The following MAPK10 variants were observed in gnomAD, a reference collection of about 807,000 sequenced individuals.
MAPK10 encodes the protein JNK3 alpha protein kinase.
A neutral mutation model predicts 59.3 loss-of-function variants in MAPK10; 25 were observed. The ratio of observed to expected loss-of-function variants is 0.42; its 90% CI spans 0.31 to 0.59. MAPK10 has a LOEUF of 0.59. Among genes scored for constraint, MAPK10 ranks in the 20% least tolerant of loss-of-function variants. MAPK10 has a pLI of 0.15. For synonymous variants in MAPK10, 190 were observed against 200.5 expected (o/e 0.95, Z 0.44); for missense variants, 351 against 568.9 (o/e 0.62, Z 3.90).
intron 9 of MAPK10, among the ~76,000 whole-genome samples, chr4:86,076,832 CATTTTTTGTAGAAGAA>C (rs1312976236): frequency 1.3e-5 from 2 of 152,014 alleles, no homozygotes; most frequent in East Asian, 3.9e-4. Flanking sequence ...TGACCAAAAC[CATTTTTTGTAGAAGAA>C]TTTATTTGCT....
intron 2 of MAPK10, among the ~76,000 whole-genome samples, chr4:86,264,124 C>T (rs2094129981): frequency 6.6e-6 from 1 of 152,046 alleles, no homozygotes; most frequent in Non-Finnish European, 1.5e-5. Context: ...TTATTTCTTG[C>T]TTGTATTAAA....
intron 9 of MAPK10, among the ~76,000 whole-genome samples, chr4:86,090,035 TCTC>T (rs2149047707): frequency 6.6e-6 from 1 of 152,210 alleles, no homozygotes; most frequent in East Asian, 1.9e-4. Flanking sequence ...TATAATGGTC[TCTC>T]TGTTATTGCC....
In MAPK10 at chr4:86,209,029, G is replaced by A. The variant is rs115026166; in HGVS notation, c.-6-14622C>T. ...AGAACAAACTGACAATAGTTGGTAAGGTTGAAGGTATGTGAACTAAACAAA... is the reference window on the plus strand; with the variant it reads ...AGAACAAACTGACAATAGTTGGTAAAGTTGAAGGTATGTGAACTAAACAAA... On this transcript the variant is annotated intron_variant, in intron 2 of 13. Coordinates refer to ENST00000641462, the MANE Select transcript of MAPK10 (RefSeq NM_138982.4). 8.4e-3 allele frequency among the ~76,000 whole-genome samples: 1,280 copies of A among 152,136 alleles called. 20 individuals are homozygous for A. The highest frequency in any genetic ancestry group is 0.029 in the African/African-American group (1,219 of 41,518).
intron 9 of MAPK10, among the ~76,000 whole-genome samples, chr4:86,086,770 C>T (rs747742403): frequency 2.6e-5 from 4 of 151,980 alleles, no homozygotes; most frequent in Non-Finnish European, 5.9e-5. Context: ...TTTTCAGTAA[C>T]TCATTTCTAA....
intron 1 of MAPK10, among the ~76,000 whole-genome samples, chr4:86,471,556 TTAAAG>T (rs1217099909): frequency 5.3e-5 from 8 of 152,140 alleles, no homozygotes; most frequent in Non-Finnish European, 1.2e-4. Context: ...ATTTTACAGT[TTAAAG>T]TAATTATATA....
At chr4:86,573,597 T>G (rs1220900923) in intron 1 of MAPK10, among the ~76,000 whole-genome samples, 2 of 152,224 alleles carry the variant, frequency 1.3e-5, no homozygotes, top group East Asian at 1.9e-4. Flanking sequence ...CAAACAAAGT[T>G]TAGAATATGC....
intron 6 of MAPK10, chr4:86,102,266 G>T: frequency 5.0e-6 from 2 of 401,118 alleles, no homozygotes; most frequent in Non-Finnish European, 8.9e-6. Context: ...CCACAGATTT[G>T]TTACCTTAAT....
At position 86,354,598 on chromosome 4, in the gene MAPK10, T is replaced by C. The variant is rs753378890; in HGVS notation, c.-75A>G. On this transcript the variant is annotated 5_prime_UTR_variant, in exon 2 of 14. An upstream start codon of the reference 5' UTR is lost. Transcript: ENST00000641462. ...CAACAGTTTCTTGCATAAGTTGCCA[T>C]AGTGAAGATCTGAGATGGGCCTGCT... 8.0e-5 allele frequency: 98 copies of C among 1,231,314 alleles called. No homozygotes were observed. The highest frequency in any genetic ancestry group is 9.5e-5 in the Non-Finnish European group (94 of 987,404). The allele number at this position is 1,231,314 out of a possible 1,614,324, so 76.3% of individuals were successfully genotyped here. A position where few individuals can be genotyped will look rare whatever the true frequency, so the allele number is the denominator to read the frequency against.
intron 4 of MAPK10, among the ~76,000 whole-genome samples, chr4:86,147,617 C>T (rs1040098842): frequency 6.6e-6 from 1 of 152,044 alleles, no homozygotes; most frequent in Non-Finnish European, 1.5e-5. Context: ...TACATTGACA[C>T]CAAAATATGA....
chr4:86,198,907 A>G (rs1260273127), intron 2 of MAPK10, among the ~76,000 whole-genome samples: 2 of 152,014 alleles, frequency 1.3e-5, no homozygotes, highest in African/African-American at 4.8e-5. Context: ...AATAAAACCC[A>G]AAAAATTGAA....
chr4:86,508,148 T>G (rs773427387), intron 1 of MAPK10, among the ~76,000 whole-genome samples: 1 of 152,098 alleles, frequency 6.6e-6, no homozygotes, highest in Non-Finnish European at 1.5e-5. Context: ...CGCAAAAAAA[T>G]ATCATTTTCT....
intron 1 of MAPK10, among the ~76,000 whole-genome samples, chr4:86,390,277 A>G (rs1194012787): frequency 1.3e-5 from 2 of 152,242 alleles, no homozygotes; most frequent in Non-Finnish European, 2.9e-5. Context: ...ATAAAAAGAT[A>G]TTATTTAAAA....
At chr4:86,568,470 C>G (rs188790249) in intron 1 of MAPK10, among the ~76,000 whole-genome samples, 72 of 152,058 alleles carry the variant, frequency 4.7e-4, no homozygotes, top group African/African-American at 1.6e-3. Flanking sequence ...ATAAAAACGG[C>G]CCAAGTAGCC....
At position 86,409,098 on chromosome 4, in the gene MAPK10, C is replaced by A. The variant is rs1020293290; in HGVS notation, c.-122+43932G>T. Reference sequence around the variant, plus strand: ...TTTGTATAAGGTGTAAGGAAGGGATCCAGTTTCAGCTTTCTACATGTGGCT... The same window carrying A: ...TTTGTATAAGGTGTAAGGAAGGGATACAGTTTCAGCTTTCTACATGTGGCT... On this transcript the variant is annotated intron_variant, in intron 1 of 13. Transcript: ENST00000361569. 3.9e-5 allele frequency among the ~76,000 whole-genome samples: 6 copies of A among 152,266 alleles called. No homozygotes were observed. In the East Asian group the frequency reaches 9.6e-4, roughly 24 times the overall value.
chr4:86,430,390 T>C (rs990246800), intron 1 of MAPK10, among the ~76,000 whole-genome samples: 24 of 152,348 alleles, frequency 1.6e-4, no homozygotes, highest in Non-Finnish European at 2.4e-4. Context: ...TTTCTTTCCT[T>C]CAACCAATAT....
chr4:86,208,508 A>T (rs2084821073), intron 2 of MAPK10, among the ~76,000 whole-genome samples: 1 of 151,138 alleles, frequency 6.6e-6, no homozygotes, highest in African/African-American at 2.5e-5. Flanking sequence ...ATCTCAATAG[A>T]TGCAGAAAAG....
chr4:86,211,072 G>A (rs74881702), intron 2 of MAPK10, among the ~76,000 whole-genome samples: 12,846 of 151,608 alleles, frequency 0.085, 1,189 homozygotes, highest in African/African-American at 0.23. Context: ...AAAATTAAAC[G>A]AAGCCTAAGC....
intron 2 of MAPK10, among the ~76,000 whole-genome samples, chr4:86,249,958 C>T (rs9884127): frequency 0.33 from 49,903 of 151,938 alleles, 11,142 homozygotes; most frequent in African/African-American, 0.64. Flanking sequence ...TGCTAAGTCA[C>T]TGAACTACAA....
rs1752343162 is a variant in MAPK10 at position 86,467,865 on chromosome 4, A to C, written c.-262-113221T>G. On this transcript the variant is annotated intron_variant, in intron 1 of 4. Coordinates refer to the MAPK10 transcript ENST00000502302. ...CAATACCAACCCTTTTGTGTTCCAG[A>C]AACTGGCTTACTGAAAAAAACCAAG... is the stretch of plus-strand genomic sequence containing the variant. Among the ~76,000 whole-genome samples the C allele has an allele frequency of 3.3e-5, 5 of 152,184 alleles. No individual in the cohort carries two copies. In the South Asian group the frequency reaches 1.0e-3, roughly 32 times the overall value.
Sources: allele counts gnomAD v4.1 joint callset (sites outside exome capture counted in the v4.1 genomes callset), GRCh38; gene constraint gnomAD v4.1.1; transcripts MANE v1.5; gene names NCBI Gene and HGNC (gene_info 2026-07-23, HGNC 2026-07-21).